Variants in SLC35H1 observed in about 807,000 individuals in gnomAD.
SLC35H1 encodes the protein ovarian cancer-overexpressed gene 1 protein.
chr20:46,351,551 C>G, the SLC35H1 span, among the ~76,000 whole-genome samples: 2 of 152,200 alleles, frequency 1.3e-5, no homozygotes. Context: ...GAAGGACAGG[C>G]CTGCGAGGCA....
chr20:46,348,252 T>C, the SLC35H1 span: 1 of 152,176 alleles, frequency 6.6e-6, no homozygotes, highest in Non-Finnish European at 1.5e-5. Context: ...GAACCCAACA[T>C]GTGCGAGGTA....
At chr20:46,357,851 C>T in the SLC35H1 span, 1 of 1,540,996 alleles carries the variant, frequency 6.5e-7, no homozygotes, top group Non-Finnish European at 8.9e-7. Context: ...CCTCTTCGCC[C>T]CTCTGCTGGA....
chr20:46,346,047 C>T, the SLC35H1 span: 1 of 152,210 alleles, frequency 6.6e-6, no homozygotes, highest in African/African-American at 2.4e-5. Context: ...GGCCAGGGCA[C>T]ATTGTAGACT....
the SLC35H1 span, chr20:46,350,708 G>A: frequency 6.3e-7 from 1 of 1,599,734 alleles, no homozygotes; most frequent in Non-Finnish European, 8.5e-7. Context: ...ATCACTAAGA[G>A]TCACAGGGAG....
the SLC35H1 span, among the ~76,000 whole-genome samples, chr20:46,354,414 T>C: frequency 1.3e-5 from 2 of 152,026 alleles, no homozygotes; most frequent in Non-Finnish European, 1.5e-5. Flanking sequence ...GAACAATCCC[T>C]GATTCCCCAT....
At chr20:46,354,754 T>C in the SLC35H1 span, 3 of 807,054 alleles carry the variant, frequency 3.7e-6, no homozygotes, top group South Asian at 1.7e-5. Flanking sequence ...CCCCAAACCA[T>C]GCGCTTCCAG....
chr20:46,352,749 G>A, the SLC35H1 span: 1 of 155,170 alleles, frequency 6.4e-6, no homozygotes, highest in African/African-American at 2.4e-5. Context: ...GTGGGATGAA[G>A]GAGATCCTAG....
chr20:46,355,958 T>C, the SLC35H1 span: 1 of 1,583,604 alleles, frequency 6.3e-7, no homozygotes, highest in Admixed American at 1.8e-5. The surrounding 1 kb of genome is among the most constrained non-coding windows in gnomAD (Gnocchi z 4.8). Context: ...CACAAATCAC[T>C]GAGCGAAATG....
At chr20:46,356,198 G>A in the SLC35H1 span, among the ~76,000 whole-genome samples, 1 of 152,214 alleles carries the variant, frequency 6.6e-6, no homozygotes, top group African/African-American at 2.4e-5. Context: ...CAAAACATCA[G>A]AGGGAAGAAG....
chr20:46,351,578 G>A, the SLC35H1 span, among the ~76,000 whole-genome samples: 6 of 152,256 alleles, frequency 3.9e-5, no homozygotes, highest in Admixed American at 3.9e-4. Flanking sequence ...CAGCAAGGCT[G>A]GCCACAGGGG....
chr20:46,363,776 G>A, the SLC35H1 span, among the ~76,000 whole-genome samples: 1 of 152,224 alleles, frequency 6.6e-6, no homozygotes, highest in Non-Finnish European at 1.5e-5. Context: ...AACAGATCAT[G>A]CCCTAAGGCT....
the SLC35H1 span, chr20:46,354,734 T>C: frequency 1.4e-6 from 1 of 690,158 alleles, no homozygotes; most frequent in Non-Finnish European, 2.5e-6. Context: ...GTAGCGTTTA[T>C]CATGCTGGAC....
At chr20:46,356,845 C>T in the SLC35H1 span, among the ~76,000 whole-genome samples, 1 of 152,234 alleles carries the variant, frequency 6.6e-6, no homozygotes, top group Admixed American at 6.5e-5. Flanking sequence ...AGGGCTGGGG[C>T]CCATTCCAAC....
At chr20:46,354,730 T>C in the SLC35H1 span, 441 of 677,226 alleles carry the variant, frequency 6.5e-4, 2 homozygotes, top group South Asian at 5.7e-3. Flanking sequence ...CTCTGTAGCG[T>C]TTATCATGCT....
chr20:46,355,302 C>T, the SLC35H1 span: 4 of 1,529,450 alleles, frequency 2.6e-6, no homozygotes, highest in Non-Finnish European at 3.5e-6. The surrounding 1 kb of genome is among the most constrained non-coding windows in gnomAD (Gnocchi z 4.8). Flanking sequence ...GGGTTCATCA[C>T]ATTTGGAGCC....
the SLC35H1 span, chr20:46,354,757 G>A: frequency 2.9e-5 from 24 of 824,420 alleles, no homozygotes; most frequent in African/African-American, 1.5e-4. Context: ...CAAACCATGC[G>A]CTTCCAGGGG....
chr20:46,352,241 G>A, the SLC35H1 span: 2 of 1,612,874 alleles, frequency 1.2e-6, no homozygotes, highest in East Asian at 2.2e-5. Context: ...AAGCAACAGG[G>A]AGAGAGAGTG....
the SLC35H1 span, chr20:46,355,303 A>G: frequency 3.9e-6 from 6 of 1,528,822 alleles, no homozygotes; most frequent in African/African-American, 8.3e-5. The surrounding 1 kb of genome is among the most constrained non-coding windows in gnomAD (Gnocchi z 4.8). Context: ...GGTTCATCAC[A>G]TTTGGAGCCT....
chr20:46,356,553 C>G, the SLC35H1 span: 1 of 1,613,332 alleles, frequency 6.2e-7, no homozygotes, highest in South Asian at 1.1e-5. Flanking sequence ...AGGGAGGCAG[C>G]AGGGCATGGC....
Sources: allele counts gnomAD v4.1 joint callset (sites outside exome capture counted in the v4.1 genomes callset), GRCh38; gene constraint gnomAD v4.1.1; non-coding constraint Gnocchi (gnomAD v3.1); transcripts MANE v1.5; gene names NCBI Gene and HGNC (gene_info 2026-07-23, HGNC 2026-07-21).